The following WFS1 variants were observed in gnomAD, a reference collection of about 807,000 sequenced individuals.
WFS1 encodes the protein wolframin.
Under a neutral mutation model 68.5 loss-of-function variants are expected in WFS1, and 90 were observed. The ratio of observed to expected loss-of-function variants is 1.31; its 90% CI spans 1.11 to 1.56. WFS1 has a LOEUF of 1.56. Ranked by LOEUF, WFS1 falls within the 40% of genes most tolerant of loss-of-function variation. The probability of loss-of-function intolerance (pLI) is 0.00; values close to 1 mark genes in which losing one functional copy is unlikely to be tolerated. For synonymous variants in WFS1, 860 were observed against 540.7 expected (o/e 1.59, Z -8.19); for missense variants, 1,767 against 1,232.6 (o/e 1.43, Z -6.49).
In WFS1 at chr4:6,302,172, C is replaced by T. The variant is rs71526462; in HGVS notation, c.2377C>T (p.Arg793Cys). The change falls in exon 8 of 8, where the codon CGC becomes TGC. Residue 793 changes from arginine (R) to cysteine (C), a missense_variant. By Grantham distance (180) the Arg-to-Cys change is radical. Transcript: ENST00000226760. Reference sequence around the variant, plus strand: ...CAGCGGCGCTGACGGCTCGCGCAGCCGCGAGGAGGACGACGTCACCAAGGA... The same window carrying T: ...CAGCGGCGCTGACGGCTCGCGCAGCTGCGAGGAGGACGACGTCACCAAGGA... The part of the protein sequence containing the change: ...FSSGADGSRS[R>C]EEDDVTKDIV... 25 of 1,612,584 alleles carry T rather than the reference C, an allele frequency of 1.6e-5. No individual in the cohort carries two copies. The highest frequency in any genetic ancestry group is 5.3e-5 in the African/African-American group (4 of 74,942).
rs760245117 is a variant in WFS1, at chr4:6,288,980, C to A, written c.316-7C>A. ...AATCTGGAGGCTGACTGGTGTCTGG[C>A]TTGCAGGTGGGGAAGCACTACCTGC... On this transcript the variant is annotated splice_polypyrimidine_tract_variant and splice_region_variant and intron_variant, in intron 3 of 7. Transcript: ENST00000226760. 4.4e-6 allele frequency: 7 copies of A among 1,607,516 alleles called. No homozygotes were observed. In the East Asian group the frequency reaches 1.6e-4, roughly 36 times the overall value.
chr4:6,282,161 G>A (rs929145631), intron 2 of WFS1, among the ~76,000 whole-genome samples: 2 of 152,206 alleles, frequency 1.3e-5, no homozygotes, highest in African/African-American at 2.4e-5. Flanking sequence ...TCCTGTTCCC[G>A]CCTCAGAGTT....
intron 7 of WFS1, among the ~76,000 whole-genome samples, chr4:6,299,693 G>A (rs1439932732): frequency 5.7e-5 from 8 of 139,808 alleles, no homozygotes; most frequent in African/African-American, 2.2e-4. Context: ...TAGGTTGCGT[G>A]TGTGTGAATG....
chr4:6,292,377 G>A (rs1730491199), intron 6 of WFS1, among the ~76,000 whole-genome samples: 2 of 152,062 alleles, frequency 1.3e-5, no homozygotes, highest in African/African-American at 2.4e-5. Flanking sequence ...AAGGGGCTCC[G>A]GGCAGAGGGA....
intron 1 of WFS1, among the ~76,000 whole-genome samples, chr4:6,270,494 G>T (rs1437846496): frequency 6.6e-6 from 1 of 152,086 alleles, no homozygotes; most frequent in African/African-American, 2.4e-5. Context: ...CAGTCCCCCA[G>T]GGGGACCCGG....
chr4:6,277,241 G>A (rs1330641809), intron 1 of WFS1, among the ~76,000 whole-genome samples: 1 of 152,250 alleles, frequency 6.6e-6, no homozygotes, highest in East Asian at 1.9e-4. Context: ...CATGCCATCT[G>A]TAGAGTCACG....
Position 6,283,697 on chromosome 4 carries a change from G to A in WFS1, c.233-3396G>A, listed in dbSNP as rs865846419. On this transcript the variant is annotated intron_variant, in intron 2 of 7. Transcript: ENST00000226760. The surrounding 1 kb of genome is among the most constrained non-coding windows in gnomAD (Gnocchi z 5.0). ...CTGAACCAGGTGCTGTAGTCAGGGA[G>A]ATGACCTGGCAACTCTGATTGGCCA... Among the ~76,000 whole-genome samples, 1 of 152,344 alleles carries A rather than the reference G, an allele frequency of 6.6e-6. No individual in the cohort carries two copies. The highest frequency in any genetic ancestry group is 2.4e-5 in the African/African-American group (1 of 41,592).
intron 4 of WFS1, among the ~76,000 whole-genome samples, chr4:6,290,254 G>A (rs1207537515): frequency 6.6e-6 from 1 of 152,220 alleles, no homozygotes; most frequent in Non-Finnish European, 1.5e-5. Context: ...CATATTTTAA[G>A]AGTTACATTT....
rs1341074386 is a variant in WFS1 at position 6,277,729 on chromosome 4, G to T, written c.232+42G>T. The T allele has an allele frequency of 2.6e-6, 4 of 1,546,616 alleles. No homozygotes were observed. In the African/African-American group the frequency reaches 5.5e-5, roughly 21 times the overall value. On this transcript the variant is annotated intron_variant, in intron 2 of 7. Transcript: ENST00000226760. ...GGAAGCCCAGGCTGGGGATGTTCAG[G>T]GATAGCTGGGTGGGAACGGGGTTCA...
At chr4:6,271,234 G>A (rs1284377224) in intron 1 of WFS1, among the ~76,000 whole-genome samples, 2 of 152,214 alleles carry the variant, frequency 1.3e-5, no homozygotes, top group African/African-American at 4.8e-5. Context: ...CAGGGATTTG[G>A]AGGGAGGCTT....
chr4:6,272,757 C>T (rs756518855), intron 1 of WFS1, among the ~76,000 whole-genome samples: 3 of 152,204 alleles, frequency 2.0e-5, no homozygotes, highest in South Asian at 2.1e-4. Context: ...CGTTTTCTTC[C>T]GTTTTTTGGC....
chr4:6,285,920 G>A (rs1730297770), intron 2 of WFS1, among the ~76,000 whole-genome samples: 1 of 152,206 alleles, frequency 6.6e-6, no homozygotes, highest in Non-Finnish European at 1.5e-5. Context: ...AACTTCTTAG[G>A]AAGTAAAATG....
At position 6,279,730 on chromosome 4, in the gene WFS1, CA is replaced by C. The variant is rs540581266; in HGVS notation, c.232+2044del. ...AACCCACATTGCAGTCCCCTAGGGG[CA>C]CCCCAGGAGGGCCTGGTCACTCTTC... On this transcript the variant is annotated intron_variant, in intron 2 of 7. Transcript: ENST00000226760. Among the ~76,000 whole-genome samples, 415 of 152,238 alleles carry C rather than the reference CA, an allele frequency of 2.7e-3. 2 individuals are homozygous for C. Among genetic ancestry groups the C allele is most frequent in the African/African-American group, 9.7e-3 (405 of 41,556 alleles).
In WFS1 at chr4:6,277,519, C is replaced by T. The variant is rs1229155190; in HGVS notation, c.64C>T (p.Gln22Ter). Reference protein sequence around the residue: ...CPQPPPAPQPQARSRLNATAS... With the variant: ...CPQPPPAPQP The stretch of plus-strand genomic sequence containing the variant: ...ACAGCCCCCGCCAGCACCGCAGCCC[C>T]AGGCGCGTTCCCGACTCAATGCCAC... Residue 22 changes from glutamine (Q) to a stop codon, truncating the protein, a stop_gained, in exon 2 of 8, where the codon CAG becomes TAG. Coordinates refer to ENST00000226760, the MANE Select transcript of WFS1 (RefSeq NM_006005.3). LOFTEE classifies it high-confidence loss of function. 1 of 1,584,002 alleles carries T rather than the reference C, an allele frequency of 6.3e-7. No individual in the cohort carries two copies. The highest frequency in any genetic ancestry group is 1.2e-5 in the South Asian group (1 of 86,526).
At chr4:6,291,055 A>C in intron 4 of WFS1, 142 bp from the exon 5 acceptor site, 1 of 909,688 alleles carries the variant, frequency 1.1e-6, no homozygotes, top group South Asian at 1.5e-5. Flanking sequence ...TCAGATGTCC[A>C]TGCATCCTTC....
Position 6,301,639 on chromosome 4 carries a change from A to C in WFS1, c.1844A>C (p.Lys615Thr). 6.2e-7 allele frequency: 1 copy of C among 1,614,040 alleles called. No homozygotes were observed. Among genetic ancestry groups the C allele is most frequent in the Non-Finnish European group, 8.5e-7 (1 of 1,179,984 alleles). The stretch of plus-strand genomic sequence containing the variant: ...CCCCTGCTGTTGCGCTGGTGGACCA[A>C]GGCCAGCTTCTCTGTGGTGGGGATG... ...SVPLLLRWWT[K>T]ASFSVVGMVK... Residue 615 changes from lysine (K) to threonine (T), a missense_variant, in exon 8 of 8, where the codon AAG (lysine) becomes ACG (threonine). By Grantham distance (78) the Lys-to-Thr change is moderately conservative (BLOSUM62 -1). Coordinates refer to ENST00000226760, the MANE Select transcript of WFS1 (RefSeq NM_006005.3).
At chr4:6,300,174 TCTC>T (rs1323826955) in intron 7 of WFS1, among the ~76,000 whole-genome samples, 1 of 152,114 alleles carries the variant, frequency 6.6e-6, no homozygotes, top group African/African-American at 2.4e-5. Flanking sequence ...GCCTGCGGCT[TCTC>T]CTCCTCGTAA....
chr4:6,277,750 G>A, intron 2 of WFS1, 63 bp downstream of exon 2: 1 of 1,532,934 alleles, frequency 6.5e-7, no homozygotes, highest in Non-Finnish European at 8.8e-7. Flanking sequence ...TGGGAACGGG[G>A]TTCAGCCACC....
In WFS1 at chr4:6,295,080, C is replaced by G; in HGVS notation, c.752C>G (p.Thr251Ser). The change falls in exon 7 of 8, where the codon ACT becomes AGT. Residue 251 changes from threonine to serine, a missense_variant. By Grantham distance (58) the Thr-to-Ser change is moderately conservative. Transcript: ENST00000226760. ...YIALDDFVEI[T>S]KKYAKGVIPS... Reference sequence around the variant, plus strand: ...GCGCTGGATGACTTTGTGGAGATCACTAAGAAGTACGCCAAGGGCGTCATC... The same window carrying G: ...GCGCTGGATGACTTTGTGGAGATCAGTAAGAAGTACGCCAAGGGCGTCATC... 6.2e-7 allele frequency: 1 copy of G among 1,613,580 alleles called. No individual in the cohort carries two copies. Among genetic ancestry groups the G allele is most frequent in the Non-Finnish European group, 8.5e-7 (1 of 1,180,032 alleles).
Sources: gnomAD v4.1 joint callset for allele counts (sites outside exome capture counted in the v4.1 genomes callset) on GRCh38, gnomAD v4.1.1 for gene constraint, Gnocchi (gnomAD v3.1) non-coding constraint, MANE v1.5 for transcripts, NCBI Gene and HGNC (gene_info 2026-07-23, HGNC 2026-07-21) for gene names.